The following VGLL4 variants were observed in gnomAD, a reference collection of about 807,000 sequenced individuals.
The protein encoded by VGLL4 is vestigial like family member 4.
A neutral mutation model predicts 21.0 loss-of-function variants in VGLL4; 7 were observed. The observed-to-expected ratio is 0.33, with a 90% confidence interval of 0.19 to 0.63. VGLL4 has a LOEUF of 0.63. Among genes scored for constraint, VGLL4 ranks in the 20% least tolerant of loss-of-function variants. The pLI is 0.78. For missense variants in VGLL4, 394 were observed against 425.7 expected (o/e 0.93, Z 0.66); for synonymous variants, 222 against 173.2 (o/e 1.28, Z -2.21).
Position 11,640,000 on chromosome 3 carries a change from A to G in VGLL4, c.82+3437T>C, listed in dbSNP as rs948475384. ...CTAAATAAACTAAATCAACTCTCTG[A>G]AAAACAGAGTTTCCCTCTCTGAGCC... is the stretch of plus-strand genomic sequence containing the variant. On this transcript the variant is annotated intron_variant, in intron 1 of 4. Transcript: ENST00000430365. 3.3e-5 allele frequency among the ~76,000 whole-genome samples: 5 copies of G among 152,360 alleles called. No homozygotes were observed. In the East Asian group the frequency reaches 9.6e-4, roughly 29 times the overall value.
chr3:11,607,527 T>C (rs2074973317), intron 1 of VGLL4: 1 of 152,210 alleles, frequency 6.6e-6, no homozygotes, highest in African/African-American at 2.4e-5. Flanking sequence ...TAACTCTAAA[T>C]ATGCTAAAAA....
chr3:11,582,252 A>G lies in VGLL4; in HGVS notation c.273-17233T>C, dbSNP rs576765950. ...CCATCTGGTTTGAAAAAGCAAGGAT[A>G]AGGGAATAAAATGAAAGGGTTCTTG... On this transcript the variant is annotated intron_variant, in intron 2 of 4. Coordinates refer to ENST00000430365, the MANE Select transcript of VGLL4 (RefSeq NM_001128219.3). 62 of 1,602,510 alleles carry G rather than the reference A, an allele frequency of 3.9e-5. No homozygotes were observed. The South Asian group carries it at 6.5e-4, about 17-fold the overall frequency.
At position 11,568,788 on chromosome 3, in the gene VGLL4, G is replaced by A. The variant is rs866965899; in HGVS notation, c.273-3769C>T. The stretch of plus-strand genomic sequence containing the variant: ...GTCGCCTCCGCTCCTGGTCAGGACT[G>A]TGCCCGAGAGAGCCCACGGCATCCC... On this transcript the variant is annotated intron_variant, in intron 2 of 4. Transcript: ENST00000430365. The surrounding 1 kb of genome is among the most constrained non-coding windows in gnomAD (Gnocchi z 5.9). The A allele has an allele frequency of 4.8e-6, 7 of 1,453,098 alleles. No individual in the cohort carries two copies. The African/African-American group carries it at 1.0e-4, about 21-fold the overall frequency. 90.0% of individuals were successfully genotyped at this position (1,453,098 alleles called of 1,614,324 possible).
Position 11,556,913 on chromosome 3 carries a change from C to T in VGLL4, c.*1643G>A, listed in dbSNP as rs2072476831. 6.5e-6 allele frequency: 1 copy of T among 152,776 alleles called. No individual in the cohort carries two copies. 9.5% of individuals were successfully genotyped at this position (152,776 alleles called of 1,614,324 possible). A position where few individuals can be genotyped will look rare whatever the true frequency, so the allele number is the denominator to read the frequency against. The stretch of plus-strand genomic sequence containing the variant: ...TTTTCTTTCCTCCACTTTTCAAAGG[C>T]CTGCAGCCACTCTGTGACTACAAGA... On this transcript the variant is annotated 3_prime_UTR_variant, in exon 5 of 5. Coordinates refer to ENST00000430365, the MANE Select transcript of VGLL4 (RefSeq NM_001128219.3).
At chr3:11,671,235 A>C (rs923529426) in intron 2 of VGLL4, 2 of 1,558,894 alleles carry the variant, frequency 1.3e-6, no homozygotes, top group Non-Finnish European at 8.6e-7. Context: ...AATTAAGAAA[A>C]TGTGAAAATC....
intron 1 of VGLL4, among the ~76,000 whole-genome samples, chr3:11,706,897 G>A (rs918965302): frequency 1.3e-5 from 2 of 152,148 alleles, no homozygotes; most frequent in Non-Finnish European, 1.5e-5. Context: ...AGCCTGATGC[G>A]GGTGGCCTTA....
chr3:11,704,138 T>C (rs2076723447), intron 1 of VGLL4, among the ~76,000 whole-genome samples: 2 of 151,922 alleles, frequency 1.3e-5, no homozygotes, highest in Admixed American at 1.3e-4. Flanking sequence ...CCCAGCACTT[T>C]GGGAGGCCGA....
intron 1 of VGLL4, chr3:11,607,088 G>A (rs957290434): frequency 9.2e-6 from 1 of 109,226 alleles, no homozygotes; most frequent in Admixed American, 9.7e-5. Flanking sequence ...CTAGTCCTGG[G>A]TACATAACCA....
At chr3:11,586,858 C>T (rs1427766579) in intron 2 of VGLL4, among the ~76,000 whole-genome samples, 2 of 152,110 alleles carry the variant, frequency 1.3e-5, no homozygotes, top group Non-Finnish European at 2.9e-5. Flanking sequence ...GGAGAGAGGC[C>T]TGACATGCAT....
At chr3:11,694,346 C>G (rs58615299) in intron 2 of VGLL4, among the ~76,000 whole-genome samples, 1 of 152,072 alleles carries the variant, frequency 6.6e-6, no homozygotes, top group Non-Finnish European at 1.5e-5. Flanking sequence ...AGGGGTCAGG[C>G]GCGGTGGCTC....
At chr3:11,668,923 T>C (rs1199328396) in intron 2 of VGLL4, among the ~76,000 whole-genome samples, 1 of 143,694 alleles carries the variant, frequency 7.0e-6, no homozygotes, top group Admixed American at 7.0e-5. Context: ...TTACATTTCA[T>C]GCCAGGGTTC....
intron 2 of VGLL4, among the ~76,000 whole-genome samples, chr3:11,571,699 T>TA (rs1234131589): frequency 6.6e-6 from 1 of 151,938 alleles, no homozygotes; most frequent in Non-Finnish European, 1.5e-5. Flanking sequence ...CCCACAAAGG[T>TA]AGTGTCCCTC....
intron 2 of VGLL4, among the ~76,000 whole-genome samples, chr3:11,697,714 A>G (rs1436524586): frequency 1.3e-5 from 2 of 152,238 alleles, no homozygotes; most frequent in Non-Finnish European, 2.9e-5. Context: ...GCCTAGAAAT[A>G]TAAACATATT....
At position 11,643,908 on chromosome 3, in the gene VGLL4, A is replaced by G; in HGVS notation, c.-390T>C. ...GCTGCAAGCCGGCAGCGCTGACATG[A>G]GGGCTATGCTTGGCATGACTCCTAT... is the stretch of plus-strand genomic sequence containing the variant. On this transcript the variant is annotated 5_prime_UTR_variant, in exon 1 of 5. Coordinates refer to ENST00000430365, the MANE Select transcript of VGLL4 (RefSeq NM_001128219.3). 1 of 1,016,878 alleles carries G rather than the reference A, an allele frequency of 9.8e-7. No homozygotes were observed. Among genetic ancestry groups the G allele is most frequent in the South Asian group, 3.8e-5 (1 of 26,024 alleles). 63.0% of individuals were successfully genotyped at this position (1,016,878 alleles called of 1,614,324 possible). A position where few individuals can be genotyped will look rare whatever the true frequency, so the allele number is the denominator to read the frequency against.
intron 2 of VGLL4, among the ~76,000 whole-genome samples, chr3:11,672,759 T>A (rs2076235064): frequency 6.6e-6 from 1 of 152,208 alleles, no homozygotes; most frequent in African/African-American, 2.4e-5. Flanking sequence ...ACGGAAAAGA[T>A]TATCCTGGCT....
At chr3:11,580,564 T>C (rs1259155455) in intron 2 of VGLL4, among the ~76,000 whole-genome samples, 2 of 152,248 alleles carry the variant, frequency 1.3e-5, no homozygotes, top group Non-Finnish European at 2.9e-5. Flanking sequence ...CAACACATCA[T>C]TGGTAGTAAA....
chr3:11,602,392 G>T (rs969239007), intron 1 of VGLL4, among the ~76,000 whole-genome samples: 3 of 151,928 alleles, frequency 2.0e-5, no homozygotes, highest in Non-Finnish European at 2.9e-5. Context: ...ATAGGAGAAT[G>T]ACCTCACTGC....
upstream of VGLL4, chr3:11,643,963 G>A (rs762279865): frequency 7.0e-4 from 697 of 992,414 alleles, no homozygotes; most frequent in Non-Finnish European, 7.8e-4. Context: ...GCAGGAGGCC[G>A]AGCATGCTCA....
intron 2 of VGLL4, among the ~76,000 whole-genome samples, chr3:11,696,579 A>T (rs527404365): frequency 4.5e-4 from 68 of 152,340 alleles, no homozygotes; most frequent in African/African-American, 1.5e-3. Context: ...TGTAAACCAA[A>T]TCATGTTTTT....
Sources: allele counts gnomAD v4.1 joint callset (sites outside exome capture counted in the v4.1 genomes callset), GRCh38; gene constraint gnomAD v4.1.1; non-coding constraint Gnocchi (gnomAD v3.1); transcripts MANE v1.5; gene names NCBI Gene and HGNC (gene_info 2026-07-23, HGNC 2026-07-21).